Variants in ANKRD13C observed in about 807,000 individuals in gnomAD.
ANKRD13C encodes ankyrin repeat domain 13C.
ANKRD13C carries 16 observed loss-of-function variants against 65.5 expected under a neutral mutation model. The observed-to-expected ratio is 0.24, with a 90% CI of 0.17 to 0.37. The LOEUF (loss-of-function observed/expected upper bound fraction) is 0.37. ANKRD13C is among the 10% of genes least tolerant of loss of function. ANKRD13C has a pLI of 1.00. For missense variants in ANKRD13C, 503 were observed against 655.9 expected, an observed-to-expected ratio of 0.77 and a Z score of 2.55; for synonymous variants, 235 against 238.7, an observed-to-expected ratio of 0.98 and a Z score of 0.14.
chr1:70,293,881 T>A (rs575114434), intron 8 of ANKRD13C, among the ~76,000 whole-genome samples: 1 of 152,336 alleles, frequency 6.6e-6, no homozygotes, highest in South Asian at 2.1e-4. Context: ...TATTCCCCAT[T>A]ACCCAGCCAC....
At chr1:70,351,651 C>T (rs193160888) in intron 1 of ANKRD13C, among the ~76,000 whole-genome samples, 2 of 152,130 alleles carry the variant, frequency 1.3e-5, no homozygotes, top group African/African-American at 2.4e-5. Flanking sequence ...CCACCCACCT[C>T]GGCCTCTCAA....
chr1:70,315,623 C>T, intron 3 of ANKRD13C, 57 bp from the exon 4 acceptor site: 1 of 1,361,422 alleles, frequency 7.3e-7, no homozygotes, highest in Non-Finnish European at 1.0e-6. Flanking sequence ...AGTAAAAACA[C>T]CACTGGCTTA....
At chr1:70,272,126 T>C (rs1678908007) in intron 11 of ANKRD13C, among the ~76,000 whole-genome samples, 1 of 152,156 alleles carries the variant, frequency 6.6e-6, no homozygotes, top group Admixed American at 6.5e-5. Context: ...TGATTTCATG[T>C]TCTTTCTTGT....
At chr1:70,296,309 G>A in intron 7 of ANKRD13C, 48 bp from the exon 8 acceptor site, 2 of 1,574,688 alleles carry the variant, frequency 1.3e-6, no homozygotes, top group Non-Finnish European at 1.7e-6. Flanking sequence ...TTTTTCAAAA[G>A]TTCTTAGTAC....
Position 70,274,726 on chromosome 1 carries a change from ATCCCTAAG to A in ANKRD13C, c.1380_1387del (p.Leu461ArgfsTer17). The A allele has an allele frequency of 6.2e-7, 1 of 1,609,050 alleles. No homozygotes were observed. The highest frequency in any genetic ancestry group is 8.5e-7 in the Non-Finnish European group (1 of 1,175,520). On this transcript the variant is annotated frameshift_variant, in exon 11 of 13. Transcript: ENST00000370944. LOFTEE classifies it high-confidence loss of function. ...TAGTTAGTAACAAACTTACAACTCT[ATCCCTAAG>A]GGAAATTCCTGGCTCATGGCTATCG...
At chr1:70,285,189 T>A (rs1363208588) in intron 9 of ANKRD13C, among the ~76,000 whole-genome samples, 1 of 122,754 alleles carries the variant, frequency 8.1e-6, no homozygotes, top group Non-Finnish European at 1.6e-5. Context: ...TATAATGTCT[T>A]TTTTTTTTTT....
chr1:70,348,393 G>A (rs1682616424), intron 1 of ANKRD13C, among the ~76,000 whole-genome samples: 1 of 151,984 alleles, frequency 6.6e-6, no homozygotes, highest in Non-Finnish European at 1.5e-5. Flanking sequence ...AGCCTCCCGA[G>A]TAGCTAGGAT....
intron 3 of ANKRD13C, among the ~76,000 whole-genome samples, chr1:70,324,101 G>C (rs1412755593): frequency 6.6e-6 from 1 of 152,092 alleles, no homozygotes; most frequent in Non-Finnish European, 1.5e-5. Context: ...GTAACACCTA[G>C]GAGAGTTCCA....
chr1:70,338,095 G>A (rs1012839905), intron 1 of ANKRD13C, among the ~76,000 whole-genome samples: 36 of 151,188 alleles, frequency 2.4e-4, no homozygotes, highest in Non-Finnish European at 4.3e-4. Context: ...GCGAAACTCC[G>A]TCTCACAAAA....
chr1:70,280,123 G>T (rs1389234616), intron 9 of ANKRD13C, among the ~76,000 whole-genome samples: 1 of 152,140 alleles, frequency 6.6e-6, no homozygotes, highest in Non-Finnish European at 1.5e-5. Flanking sequence ...TTAGTATCAG[G>T]CAAGATGAAA....
At chr1:70,299,257 T>G (rs1189847583) in intron 7 of ANKRD13C, among the ~76,000 whole-genome samples, 5 of 152,110 alleles carry the variant, frequency 3.3e-5, no homozygotes. Flanking sequence ...GAGTGCAGTA[T>G]GAGGGTATCT....
intron 9 of ANKRD13C, among the ~76,000 whole-genome samples, chr1:70,278,734 T>C (rs1679252713): frequency 6.6e-6 from 1 of 152,176 alleles, no homozygotes; most frequent in South Asian, 2.1e-4. Flanking sequence ...ATTAGAGTTG[T>C]TAAAATCAAG....
At chr1:70,281,375 G>C (rs1558268402) in intron 9 of ANKRD13C, among the ~76,000 whole-genome samples, 1 of 148,902 alleles carries the variant, frequency 6.7e-6, no homozygotes, top group Non-Finnish European at 1.5e-5. Flanking sequence ...TTGCAGCTAG[G>C]TGTTATCATG....
intron 6 of ANKRD13C, among the ~76,000 whole-genome samples, chr1:70,303,148 G>A (rs539782204): frequency 6.7e-4 from 102 of 151,964 alleles, no homozygotes; most frequent in Non-Finnish European, 1.4e-3. Flanking sequence ...TATTTCATTC[G>A]TGTTTCTATA....
At chr1:70,308,439 GA>G (rs75768287) in intron 5 of ANKRD13C, among the ~76,000 whole-genome samples, 3 of 148,054 alleles carry the variant, frequency 2.0e-5, no homozygotes, top group Admixed American at 6.8e-5. Flanking sequence ...CAAAAGCTAA[GA>G]AAAAAAAAAG....
At chr1:70,318,681 T>G (rs1042358058) in intron 3 of ANKRD13C, among the ~76,000 whole-genome samples, 2 of 20,234 alleles carry the variant, frequency 9.9e-5, no homozygotes, top group Admixed American at 9.6e-4. Flanking sequence ...CAATCTTTGT[T>G]TTTTTTTTTT....
chr1:70,289,262 C>G (rs1344388053), intron 9 of ANKRD13C, among the ~76,000 whole-genome samples: 5 of 152,126 alleles, frequency 3.3e-5, no homozygotes, highest in Non-Finnish European at 4.4e-5. Flanking sequence ...CAAAGTACGG[C>G]TGCTTAAAAT....
chr1:70,346,313 A>C (rs764910437), intron 1 of ANKRD13C, among the ~76,000 whole-genome samples: 6 of 152,186 alleles, frequency 3.9e-5, no homozygotes, highest in Non-Finnish European at 5.9e-5. Flanking sequence ...GCCTTGTTTT[A>C]ATTTTTAAAA....
intron 8 of ANKRD13C, among the ~76,000 whole-genome samples, chr1:70,293,267 T>G (rs1197771075): frequency 6.6e-6 from 1 of 151,888 alleles, no homozygotes; most frequent in African/African-American, 2.4e-5. Flanking sequence ...GTATTCAGAG[T>G]TTGAAATACC....
Sources: gnomAD v4.1 joint callset for allele counts (sites outside exome capture counted in the v4.1 genomes callset) on GRCh38, gnomAD v4.1.1 for gene constraint, MANE v1.5 for transcripts, NCBI Gene and HGNC (gene_info 2026-07-23, HGNC 2026-07-21) for gene names.